The following RNF157 variants were observed in gnomAD, a reference collection of about 807,000 sequenced individuals.
The protein encoded by RNF157 is E3 ubiquitin ligase RNF157.
In RNF157, 55 loss-of-function variants were observed where a neutral mutation model predicts 88.3. The observed-to-expected ratio is 0.62, with a 90% CI of 0.50 to 0.78. The LOEUF is 0.78. Among genes scored for constraint, RNF157 ranks in the 30% least tolerant of loss-of-function variants. RNF157 has a pLI of 0.00. For missense variants in RNF157, 788 were observed against 860.8 expected (o/e 0.92, Z 1.06); for synonymous variants, 334 against 341.2 (o/e 0.98, Z 0.23).
intron 3 of RNF157, among the ~76,000 whole-genome samples, chr17:76,170,459 G>A (rs1489718184): frequency 1.3e-5 from 2 of 152,272 alleles, no homozygotes; most frequent in East Asian, 3.9e-4. Context: ...CCTGTTTTTA[G>A]TACTGGCCAT....
intron 1 of RNF157, among the ~76,000 whole-genome samples, chr17:76,218,778 AC>A (rs1380551491): frequency 2.0e-5 from 3 of 152,046 alleles, no homozygotes; most frequent in Non-Finnish European, 4.4e-5. Flanking sequence ...TACTAAAAAT[AC>A]AAAAATTAGC....
chr17:76,155,320 G>A lies in RNF157; in HGVS notation c.1699-3C>T, dbSNP rs1695502287. Reference sequence around the variant, plus strand: ...TCTGGAGACTCCGCTGGCAGCCCCTGCAGAAGAGCACAGTTTTTACAGGCT... The same window carrying A: ...TCTGGAGACTCCGCTGGCAGCCCCTACAGAAGAGCACAGTTTTTACAGGCT... On this transcript the variant is annotated splice_region_variant and splice_polypyrimidine_tract_variant and intron_variant, in intron 15 of 18. Transcript: ENST00000269391. 1 of 1,613,944 alleles carries A rather than the reference G, an allele frequency of 6.2e-7. No individual in the cohort carries two copies. Among genetic ancestry groups the A allele is most frequent in the Non-Finnish European group, 8.5e-7 (1 of 1,179,810 alleles).
chr17:76,238,637 C>A (rs975094675), intron 1 of RNF157, among the ~76,000 whole-genome samples: 1 of 152,152 alleles, frequency 6.6e-6, no homozygotes. Context: ...CCAAGCTCAG[C>A]AAAGTATGCT....
At chr17:76,185,690 C>T (rs1012340480) in intron 2 of RNF157, among the ~76,000 whole-genome samples, 47 of 151,970 alleles carry the variant, frequency 3.1e-4, no homozygotes, top group South Asian at 2.3e-3. Context: ...AGGATGGTCT[C>T]GATCTCCTGA....
chr17:76,148,170 T>G (rs2068613854), intron 18 of RNF157, among the ~76,000 whole-genome samples: 1 of 152,146 alleles, frequency 6.6e-6, no homozygotes, highest in African/African-American at 2.4e-5. Context: ...CAAACCTTTT[T>G]AGATTTCACT....
At chr17:76,210,546 T>C (rs1256364483) in intron 2 of RNF157, among the ~76,000 whole-genome samples, 5 of 124,584 alleles carry the variant, frequency 4.0e-5, no homozygotes, top group Non-Finnish European at 6.2e-5. Context: ...GCCAAGATCG[T>C]GCCACTGTAC....
At chr17:76,223,590 A>G (rs1408126302) in intron 1 of RNF157, among the ~76,000 whole-genome samples, 1 of 152,212 alleles carries the variant, frequency 6.6e-6, no homozygotes, top group East Asian at 1.9e-4. Flanking sequence ...GCTTAACCAT[A>G]TAAAACCCAA....
In RNF157 at chr17:76,161,765, G is replaced by A. The variant is rs1033656172; in HGVS notation, c.952+78C>T. On this transcript the variant is annotated intron_variant, in intron 10 of 18. Coordinates refer to ENST00000269391, the MANE Select transcript of RNF157 (RefSeq NM_052916.3). The surrounding 1 kb of genome is among the most constrained non-coding windows in gnomAD (Gnocchi z 4.6). The stretch of plus-strand genomic sequence containing the variant: ...CATCCGTTTGTCAGATCCAGCAGCA[G>A]CACATGCTTCAGTGTTTTGTAAATG... 13 of 1,558,118 alleles carry A rather than the reference G, an allele frequency of 8.3e-6. No homozygotes were observed. The highest frequency in any genetic ancestry group is 1.1e-5 in the Non-Finnish European group (13 of 1,138,080).
chr17:76,225,844 T>C (rs2070073452), intron 1 of RNF157: 2 of 1,612,256 alleles, frequency 1.2e-6, no homozygotes. Context: ...CTGCCCTCTC[T>C]TTTAGAGCCT....
chr17:76,237,339 G>C (rs1011348606), intron 1 of RNF157, among the ~76,000 whole-genome samples: 20 of 152,350 alleles, frequency 1.3e-4, no homozygotes, highest in African/African-American at 4.8e-4. Context: ...CACCGGCAGT[G>C]CAGGTCTAGC....
chr17:76,171,925 C>T (rs532428323), intron 3 of RNF157, among the ~76,000 whole-genome samples: 125 of 152,326 alleles, frequency 8.2e-4, no homozygotes, highest in African/African-American at 2.9e-3. Flanking sequence ...TGAATGGTCT[C>T]CATCAAATGT....
intron 2 of RNF157, 73 bp downstream of exon 2, chr17:76,212,291 A>G (rs887153738): frequency 1.8e-6 from 2 of 1,094,880 alleles, no homozygotes; most frequent in Non-Finnish European, 2.8e-6. Flanking sequence ...AAGCAACTGC[A>G]AACTTATTTT....
chr17:76,147,116 G>A (rs916169322), intron 18 of RNF157: 21 of 985,182 alleles, frequency 2.1e-5, no homozygotes, highest in Middle Eastern at 5.2e-4. Flanking sequence ...CCTGGGACAT[G>A]AGTCAAGGTG....
intron 18 of RNF157, among the ~76,000 whole-genome samples, chr17:76,152,098 A>G (rs958675332): frequency 1.3e-5 from 2 of 152,212 alleles, no homozygotes; most frequent in Non-Finnish European, 2.9e-5. Context: ...GAGAGTGGTT[A>G]GGCCAAATCG....
chr17:76,174,847 T>C (rs1038279636), intron 2 of RNF157, among the ~76,000 whole-genome samples: 5 of 152,376 alleles, frequency 3.3e-5, no homozygotes, highest in African/African-American at 7.2e-5. Context: ...TTACATTCAA[T>C]AGAAATTATC....
At chr17:76,207,925 TTTTA>T (rs1048326046) in intron 2 of RNF157, among the ~76,000 whole-genome samples, 6 of 152,084 alleles carry the variant, frequency 3.9e-5, no homozygotes, top group African/African-American at 1.2e-4. Context: ...ACTCGTCTAC[TTTTA>T]TTTATTTATT....
At chr17:76,167,410 G>T (rs751501887) in intron 4 of RNF157, among the ~76,000 whole-genome samples, 1 of 152,200 alleles carries the variant, frequency 6.6e-6, no homozygotes, top group Non-Finnish European at 1.5e-5. Context: ...AATTTGAAGG[G>T]AAAAGGTAAA....
intron 6 of RNF157, among the ~76,000 whole-genome samples, 170 bp downstream of exon 6, chr17:76,166,291 C>G (rs1423773976): frequency 6.6e-6 from 1 of 152,166 alleles, no homozygotes; most frequent in Non-Finnish European, 1.5e-5. Context: ...ACACTTTTCA[C>G]ATCAGCCCAG....
intron 2 of RNF157, among the ~76,000 whole-genome samples, chr17:76,194,812 G>C (rs542984349): frequency 6.6e-6 from 1 of 152,076 alleles, no homozygotes; most frequent in Non-Finnish European, 1.5e-5. Context: ...TCAGGAGATC[G>C]AGACCATCCT....
Sources: allele counts gnomAD v4.1 joint callset (sites outside exome capture counted in the v4.1 genomes callset), GRCh38; gene constraint gnomAD v4.1.1; non-coding constraint Gnocchi (gnomAD v3.1); transcripts MANE v1.5; gene names NCBI Gene and HGNC (gene_info 2026-07-23, HGNC 2026-07-21).